The following TEX36 variants were observed in gnomAD, a reference collection of about 807,000 sequenced individuals.
TEX36 encodes testis-expressed protein 36.
A neutral mutation model predicts 13.6 loss-of-function variants in TEX36; 12 were observed. The ratio of observed to expected loss-of-function variants is 0.88; its 90% CI spans 0.56 to 1.43. The LOEUF (loss-of-function observed/expected upper bound fraction) is 1.43, where lower values mean the gene tolerates loss of function less well. TEX36 is among the 40% of genes most tolerant of loss of function. The pLI is 0.00. For synonymous variants in TEX36, 93 were observed against 83.0 expected (o/e 1.12, Z -0.65); for missense variants, 224 against 228.3 (o/e 0.98, Z 0.12).
chr10:125,623,796 C>T lies in TEX36; in HGVS notation c.265-2151G>A, dbSNP rs150642388. ...ATATGTACCCAGGGATTTAATAACA[C>T]ATTAAAGAAAGGATTGGACATAAAT... On this transcript the variant is annotated intron_variant, in intron 3 of 3. Transcript: ENST00000526819. Among the ~76,000 whole-genome samples, 449 of 152,276 alleles carry T rather than the reference C, an allele frequency of 2.9e-3. 1 individual carries two copies. The highest frequency in any genetic ancestry group is 0.01 in the African/African-American group (435 of 41,554).
chr10:125,624,049 T>C (rs1234993163), intron 3 of TEX36, among the ~76,000 whole-genome samples: 1 of 152,254 alleles, frequency 6.6e-6, no homozygotes, highest in Non-Finnish European at 1.5e-5. Flanking sequence ...TCTATGTCTC[T>C]GCTTTCAGAT....
At chr10:125,629,533 T>G (rs1846527284) in intron 3 of TEX36, among the ~76,000 whole-genome samples, 1 of 152,182 alleles carries the variant, frequency 6.6e-6, no homozygotes, top group Non-Finnish European at 1.5e-5. Context: ...ATTGAGTAAA[T>G]AGCACATCTG....
chr10:125,667,677 G>A (rs945510554), intron 1 of TEX36: 22 of 724,464 alleles, frequency 3.0e-5, no homozygotes, highest in East Asian at 7.4e-5. Flanking sequence ...GGGAAAGGAC[G>A]CCCATCATCC....
intron 1 of TEX36, among the ~76,000 whole-genome samples, chr10:125,669,501 C>T (rs1847186595): frequency 6.6e-6 from 1 of 151,834 alleles, no homozygotes; most frequent in Admixed American, 6.6e-5. Flanking sequence ...AGAAAAATTC[C>T]TCGGCTTTTG....
At chr10:125,582,612 G>C (rs564452786) in intron 3 of TEX36, among the ~76,000 whole-genome samples, 3 of 152,306 alleles carry the variant, frequency 2.0e-5, no homozygotes, top group African/African-American at 7.2e-5. Context: ...AAGTTTAGTT[G>C]AGAGTGATTC....
chr10:125,653,642 T>C (rs1441237551), downstream of TEX36, among the ~76,000 whole-genome samples: 2 of 151,760 alleles, frequency 1.3e-5, no homozygotes, highest in African/African-American at 4.8e-5. Context: ...ATAATAATAA[T>C]AATAAAAATT....
downstream of TEX36, among the ~76,000 whole-genome samples, chr10:125,617,580 A>C (rs1406403987): frequency 6.6e-6 from 1 of 152,236 alleles, no homozygotes; most frequent in African/African-American, 2.4e-5. Flanking sequence ...TTCTGGGTTG[A>C]AAATTCTTTT....
intron 1 of TEX36, among the ~76,000 whole-genome samples, chr10:125,678,184 AT>A (rs1477850042): frequency 6.6e-6 from 1 of 152,150 alleles, no homozygotes; most frequent in East Asian, 1.9e-4. Context: ...AAGGGAGGAC[AT>A]TTTCCTGAAG....
intron 1 of TEX36, among the ~76,000 whole-genome samples, chr10:125,677,131 T>A (rs147146916): frequency 6.6e-6 from 1 of 152,370 alleles, no homozygotes; most frequent in East Asian, 1.9e-4. Flanking sequence ...TTAAAAAATT[T>A]GTTCTGTATC....
intron 3 of TEX36, among the ~76,000 whole-genome samples, chr10:125,634,155 A>G (rs1846595044): frequency 6.6e-6 from 1 of 152,188 alleles, no homozygotes; most frequent in Admixed American, 6.5e-5. Context: ...TGTTACATAC[A>G]TGATTTTTTA....
chr10:125,639,548 C>A (rs1226327647), intron 3 of TEX36, among the ~76,000 whole-genome samples: 2 of 125,646 alleles, frequency 1.6e-5, no homozygotes, highest in Non-Finnish European at 3.2e-5. Context: ...GTGTTCATAC[C>A]AATACACATG....
chr10:125,676,601 T>C (rs1847316127), intron 1 of TEX36, among the ~76,000 whole-genome samples: 2 of 152,316 alleles, frequency 1.3e-5, no homozygotes, highest in African/African-American at 4.8e-5. Context: ...AAATGGATAA[T>C]TTAAGGTTTC....
At chr10:125,645,628 ATATCC>A (rs1275212313) in intron 3 of TEX36, among the ~76,000 whole-genome samples, 8 of 152,230 alleles carry the variant, frequency 5.3e-5, no homozygotes, top group Admixed American at 1.3e-4. Context: ...ATTATTCCAG[ATATCC>A]TATCCTAAGC....
intron 3 of TEX36, among the ~76,000 whole-genome samples, chr10:125,622,987 C>T (rs1846446528): frequency 1.3e-5 from 2 of 152,170 alleles, no homozygotes; most frequent in African/African-American, 4.8e-5. Context: ...TAACAGGAAG[C>T]AAAAATTCTG....
intron 3 of TEX36, among the ~76,000 whole-genome samples, chr10:125,630,060 C>G (rs1015248308): frequency 6.6e-6 from 1 of 152,176 alleles, no homozygotes; most frequent in African/African-American, 2.4e-5. Flanking sequence ...AGGGCCTAGT[C>G]CTCAAATAGT....
intron 3 of TEX36, among the ~76,000 whole-genome samples, chr10:125,583,196 T>C (rs1206598181): frequency 2.0e-5 from 3 of 152,080 alleles, no homozygotes; most frequent in Non-Finnish European, 4.4e-5. Context: ...TGTTGTAAAT[T>C]TCACTAATTT....
chr10:125,672,327 G>T (rs972851887), intron 1 of TEX36, among the ~76,000 whole-genome samples: 1 of 152,080 alleles, frequency 6.6e-6, no homozygotes, highest in African/African-American at 2.4e-5. Context: ...CTGGTACATT[G>T]TCTCTTTGTT....
chr10:125,676,054 T>A lies in TEX36; in HGVS notation c.51+6885A>T, dbSNP rs141550183. ...CTGACATATGGTCTATCCTGGAGAA[T>A]GTTCCATAGGCTGATGAAAAGAATG... is the stretch of plus-strand genomic sequence containing the variant. On this transcript the variant is annotated intron_variant, in intron 1 of 3. Transcript: ENST00000368821. Among the ~76,000 whole-genome samples the A allele has an allele frequency of 4.7e-4, 71 of 152,354 alleles. 1 individual carries two copies. The East Asian group carries it at 0.013, about 29-fold the overall frequency.
At chr10:125,584,582 G>A (rs1184579231) in intron 3 of TEX36, among the ~76,000 whole-genome samples, 1 of 152,118 alleles carries the variant, frequency 6.6e-6, no homozygotes, top group East Asian at 1.9e-4. Flanking sequence ...GAAGCTTTAG[G>A]GAGCTAATTA....
Sources: gnomAD v4.1 joint callset for allele counts (sites outside exome capture counted in the v4.1 genomes callset) on GRCh38, gnomAD v4.1.1 for gene constraint, MANE v1.5 for transcripts, NCBI Gene and HGNC (gene_info 2026-07-23, HGNC 2026-07-21) for gene names.